Variants in SLC17A3 observed in about 807,000 individuals in gnomAD.
SLC17A3 encodes solute carrier family 17 member 3, also known as sodium-dependent phosphate transport protein 4.
A neutral mutation model predicts 60.3 loss-of-function variants in SLC17A3; 61 were observed. That is an observed-to-expected ratio of 1.01 (90% CI 0.82 to 1.25). The LOEUF is 1.25. Ranked by LOEUF, SLC17A3 falls within the 50% of genes most tolerant of loss-of-function variation. The probability of loss-of-function intolerance (pLI) is 0.00; values close to 1 mark genes in which losing one functional copy is unlikely to be tolerated. For missense variants in SLC17A3, 624 were observed against 594.9 expected, an observed-to-expected ratio of 1.05 and a Z score of -0.51; for synonymous variants, 192 against 208.9, an observed-to-expected ratio of 0.92 and a Z score of 0.70.
At chr6:25,849,684 A>T in intron 10 of SLC17A3, 121 bp downstream of exon 10, 1 of 1,183,574 alleles carries the variant, frequency 8.4e-7, no homozygotes, top group Non-Finnish European at 1.2e-6. Context: ...AAACGGCCAC[A>T]GGTCTATCTG....
At chr6:25,870,137 A>C (rs1765617596) in intron 1 of SLC17A3, among the ~76,000 whole-genome samples, 1 of 152,012 alleles carries the variant, frequency 6.6e-6, no homozygotes, top group Admixed American at 6.6e-5. Flanking sequence ...AACACTTAGA[A>C]GTGGAATACC....
At chr6:25,862,505 C>A (rs935641254) in intron 2 of SLC17A3, 61 bp from the exon 3 acceptor site, 2 of 1,327,438 alleles carry the variant, frequency 1.5e-6, no homozygotes, top group African/African-American at 2.9e-5. Context: ...TAGTTTTTCA[C>A]AAGATATGAT....
intron 1 of SLC17A3, among the ~76,000 whole-genome samples, chr6:25,871,556 G>C (rs886849449): frequency 6.6e-6 from 1 of 151,706 alleles, no homozygotes; most frequent in Non-Finnish European, 1.5e-5. Context: ...GTTAATGGGT[G>C]CAGCACACCA....
intron 2 of SLC17A3, among the ~76,000 whole-genome samples, chr6:25,864,439 C>T (rs1392123461): frequency 6.6e-6 from 1 of 151,964 alleles, no homozygotes; most frequent in African/African-American, 2.4e-5. Context: ...AGAAGTGAAG[C>T]TATCTTGGAT....
chr6:25,860,414 T>C (rs746335286), intron 5 of SLC17A3, among the ~76,000 whole-genome samples: 48 of 152,104 alleles, frequency 3.2e-4, no homozygotes, highest in Non-Finnish European at 6.0e-4. Context: ...CATCCACCAG[T>C]ACAGTCTGCA....
intron 11 of SLC17A3, among the ~76,000 whole-genome samples, chr6:25,846,327 A>C (rs1290428640): frequency 1.3e-5 from 2 of 152,232 alleles, no homozygotes; most frequent in Non-Finnish European, 2.9e-5. Context: ...CAAACAACTC[A>C]AATGTCCATA....
chr6:25,866,909 A>G (rs984639627), intron 2 of SLC17A3, among the ~76,000 whole-genome samples: 11 of 151,966 alleles, frequency 7.2e-5, no homozygotes, highest in African/African-American at 2.4e-4. Flanking sequence ...TAAAGCATAG[A>G]TATAATACAA....
At chr6:25,867,924 A>G (rs1016053877) in intron 2 of SLC17A3, among the ~76,000 whole-genome samples, 3 of 151,974 alleles carry the variant, frequency 2.0e-5, no homozygotes, top group Non-Finnish European at 4.4e-5. Flanking sequence ...GCTTATGACA[A>G]TCTTTTTATT....
chr6:25,856,833 T>C (rs531383120), intron 5 of SLC17A3, among the ~76,000 whole-genome samples: 1,462 of 129,124 alleles, frequency 0.011, 8 homozygotes, highest in South Asian at 0.02. Context: ...GGCGACAGAG[T>C]GAGACTCTGT....
Position 25,849,379 on chromosome 6 carries a change from T to G in SLC17A3, c.1357A>C (p.Ser453Arg). The G allele has an allele frequency of 6.3e-7, 1 of 1,596,400 alleles. No homozygotes were observed. Among genetic ancestry groups the G allele is most frequent in the Non-Finnish European group, 8.6e-7 (1 of 1,164,248 alleles). The change falls in exon 11 of 13, where the codon AGT (serine) becomes CGT (arginine). Residue 453 changes from serine (S) to arginine (R), a missense_variant. Transcript: ENST00000397060. ...IVPTVSGFLL[S>R]QDPEFGWRNV... is the part of the protein sequence containing the mutation. ...TCATGACAAAAAAATTGTACCTGAC[T>G]AAGAAGAAATCCACTGACAGTGGGT... is the stretch of plus-strand genomic sequence containing the variant.
At chr6:25,868,058 G>A (rs1446416898) in intron 2 of SLC17A3, among the ~76,000 whole-genome samples, 1 of 151,720 alleles carries the variant, frequency 6.6e-6, no homozygotes, top group Non-Finnish European at 1.5e-5. Context: ...AGACAATTCA[G>A]TAGCAATTAT....
chr6:25,845,257 G>T lies in SLC17A3; in HGVS notation c.*44C>A. 1 of 1,124,240 alleles carries T rather than the reference G, an allele frequency of 8.9e-7. No homozygotes were observed. Among genetic ancestry groups the T allele is most frequent in the African/African-American group, 1.5e-5 (1 of 64,964 alleles). 69.6% of individuals were successfully genotyped at this position (1,124,240 alleles called of 1,614,324 possible). ...TCATCACGGAAGCCTTCTATTTTAT[G>T]CAATACGGTGCCTAATGACTTTTCC... On this transcript the variant is annotated 3_prime_UTR_variant, in exon 13 of 13. Coordinates refer to ENST00000397060, the MANE Select transcript of SLC17A3 (RefSeq NM_001098486.2).
At chr6:25,847,897 TC>T (rs1259705790) in intron 11 of SLC17A3, among the ~76,000 whole-genome samples, 3 of 152,084 alleles carry the variant, frequency 2.0e-5, no homozygotes, top group Non-Finnish European at 4.4e-5. Flanking sequence ...CTTACCCCCT[TC>T]CCACACCTTC....
intron 1 of SLC17A3, among the ~76,000 whole-genome samples, chr6:25,869,865 G>A: frequency 6.6e-6 from 1 of 151,930 alleles, no homozygotes; most frequent in East Asian, 1.9e-4. Context: ...TATAAAGTAT[G>A]TACTCACTTT....
In SLC17A3 at chr6:25,850,869, C is replaced by A. The variant is rs762914889; in HGVS notation, c.721G>T (p.Gly241Cys). The A allele has an allele frequency of 6.2e-7, 1 of 1,613,794 alleles. No homozygotes were observed. Among genetic ancestry groups the A allele is most frequent in the Non-Finnish European group, 8.5e-7 (1 of 1,179,696 alleles). The change falls in exon 7 of 13, where the codon GGC becomes TGC. Residue 241 changes from glycine to cysteine, a missense_variant. Gly to Cys is a radical substitution (Grantham distance 159). Coordinates refer to ENST00000397060, the MANE Select transcript of SLC17A3 (RefSeq NM_001098486.2). ...AACCAGAGAAGGCAGCAGACACAGC[C>A]AACACCTCCTGTAAGCACAGGGTAA... ...PFVFYIFGGV[G>C]CVCCLLWFVV...
rs1373120535 is a variant in SLC17A3, at chr6:25,849,423, C to T, written c.1313G>A (p.Ser438Asn). 1 of 1,612,942 alleles carries T rather than the reference C, an allele frequency of 6.2e-7. No homozygotes were observed. ...FLMGASRGFS[S>N]IAPVIVPTVS... is the part of the protein sequence containing the mutation. ...AGTGGGTACAATGACAGGTGCTATG[C>T]TCGAAAATCCTCTTGATGCTCCCAT... Residue 438 changes from serine (S) to asparagine (N), a missense_variant, in exon 11 of 13, where the codon AGC (serine) becomes AAC (asparagine). Transcript: ENST00000397060.
chr6:25,856,436 G>T (rs1299701187), intron 5 of SLC17A3, among the ~76,000 whole-genome samples: 1 of 152,170 alleles, frequency 6.6e-6, no homozygotes, highest in Non-Finnish European at 1.5e-5. Flanking sequence ...TGGGAATCTT[G>T]CTGTGTTGCC....
intron 1 of SLC17A3, among the ~76,000 whole-genome samples, chr6:25,872,598 A>G (rs201598047): frequency 9.1e-6 from 1 of 109,706 alleles, no homozygotes; most frequent in Admixed American, 9.1e-5. Context: ...ATATATATTT[A>G]TATATATAAT....
chr6:25,855,623 C>G (rs1199192944), intron 5 of SLC17A3, among the ~76,000 whole-genome samples: 1 of 152,072 alleles, frequency 6.6e-6, no homozygotes. Context: ...AATTGCATAC[C>G]TTTTCTTTTC....
Sources: gnomAD v4.1 joint callset for allele counts (sites outside exome capture counted in the v4.1 genomes callset) on GRCh38, gnomAD v4.1.1 for gene constraint, MANE v1.5 for transcripts, NCBI Gene and HGNC (gene_info 2026-07-23, HGNC 2026-07-21) for gene names.